SLC30A8: variants seen among roughly 807,000 people sequenced by gnomAD.
SLC30A8 encodes the protein proton-coupled zinc antiporter SLC30A8.
A neutral mutation model predicts 36.9 loss-of-function variants in SLC30A8; 27 were observed. The observed-to-expected ratio is 0.73, with a 90% CI of 0.54 to 1.01. The LOEUF is 1.01. SLC30A8 is among the 50% of genes least tolerant of loss of function. SLC30A8 has a pLI of 0.00. For synonymous variants in SLC30A8, 164 were observed against 172.4 expected, an observed-to-expected ratio of 0.95 and a Z score of 0.38; for missense variants, 439 against 452.0, an observed-to-expected ratio of 0.97 and a Z score of 0.26.
At chr8:117,129,664 A>T (rs1416749318) in intron 2 of SLC30A8, among the ~76,000 whole-genome samples, 1 of 152,014 alleles carries the variant, frequency 6.6e-6, no homozygotes, top group Non-Finnish European at 1.5e-5. Context: ...TTGTGTCCTG[A>T]TATTATTTTT....
chr8:117,073,115 T>C (rs1818380793), intron 2 of SLC30A8, among the ~76,000 whole-genome samples: 1 of 152,210 alleles, frequency 6.6e-6, no homozygotes, highest in Non-Finnish European at 1.5e-5. Flanking sequence ...ACCATTGTGA[T>C]TCTAGTTGAA....
At chr8:117,149,559 A>C (rs924286374) in intron 2 of SLC30A8, among the ~76,000 whole-genome samples, 24 of 152,344 alleles carry the variant, frequency 1.6e-4, no homozygotes, top group African/African-American at 5.5e-4. Flanking sequence ...GATGATAAAC[A>C]CAAGTGAGAT....
At chr8:117,099,608 A>G (rs976031756) in intron 2 of SLC30A8, among the ~76,000 whole-genome samples, 1 of 152,212 alleles carries the variant, frequency 6.6e-6, no homozygotes, top group African/African-American at 2.4e-5. Flanking sequence ...TCTTAAAGAA[A>G]GCTTTATGGC....
At chr8:117,033,420 T>C (rs1477353538) in intron 1 of SLC30A8, among the ~76,000 whole-genome samples, 1 of 152,212 alleles carries the variant, frequency 6.6e-6, no homozygotes, top group East Asian at 1.9e-4. Context: ...CCACAATAGG[T>C]AACTTCATAA....
intron 1 of SLC30A8, among the ~76,000 whole-genome samples, chr8:117,014,928 T>G (rs569807377): frequency 6.6e-6 from 1 of 152,062 alleles, no homozygotes; most frequent in Non-Finnish European, 1.5e-5. Flanking sequence ...GTCTCAGTAA[T>G]TGGCTTTGCG....
At chr8:117,101,598 G>A (rs1167044030) in intron 2 of SLC30A8, among the ~76,000 whole-genome samples, 2 of 152,110 alleles carry the variant, frequency 1.3e-5, no homozygotes, top group East Asian at 1.9e-4. Context: ...ATTGTACCTG[G>A]GTGTGTCTGT....
chr8:117,134,168 G>A (rs1821253338), upstream of SLC30A8, among the ~76,000 whole-genome samples: 2 of 151,784 alleles, frequency 1.3e-5, no homozygotes, highest in Admixed American at 1.3e-4. Context: ...TCAGCATAAT[G>A]GGCAACTTCC....
intron 1 of SLC30A8, among the ~76,000 whole-genome samples, chr8:116,988,153 C>G (rs1314384296): frequency 6.6e-6 from 1 of 152,184 alleles, no homozygotes; most frequent in Non-Finnish European, 1.5e-5. Context: ...CATTCTTCTT[C>G]TGATAAACTC....
intron 1 of SLC30A8, among the ~76,000 whole-genome samples, chr8:117,022,987 G>T (rs1816751811): frequency 6.6e-6 from 1 of 151,978 alleles, no homozygotes; most frequent in South Asian, 2.1e-4. Context: ...TCTGACAAAG[G>T]GCTAATATCC....
Position 117,147,173 on chromosome 8 carries a change from T to A in SLC30A8, c.271+20T>A. 1 of 1,608,578 alleles carries A rather than the reference T, an allele frequency of 6.2e-7. No individual in the cohort carries two copies. Among genetic ancestry groups the A allele is most frequent in the East Asian group, 2.2e-5 (1 of 44,802 alleles). ...TCGTGGGTGAGTCTTTCTGCAGACT[T>A]TTTTCATTAAACAACCAAACAAAAC... is the stretch of plus-strand genomic sequence containing the variant. On this transcript the variant is annotated intron_variant, in intron 2 of 7. Transcript: ENST00000456015.
At chr8:117,157,545 C>G (rs1161340196) in intron 3 of SLC30A8, 146 bp from the exon 4 acceptor site, 4 of 810,380 alleles carry the variant, frequency 4.9e-6, no homozygotes, top group East Asian at 2.5e-5. Flanking sequence ...TAAAATCCAT[C>G]CACACTTTTA....
chr8:116,968,065 C>T (rs1814660364), intron 1 of SLC30A8, among the ~76,000 whole-genome samples: 1 of 151,984 alleles, frequency 6.6e-6, no homozygotes, highest in African/African-American at 2.4e-5. Flanking sequence ...TCCTGATAAA[C>T]GTGAAGATTC....
chr8:116,959,596 C>G (rs983395356), intron 1 of SLC30A8, among the ~76,000 whole-genome samples: 1 of 152,142 alleles, frequency 6.6e-6, no homozygotes, highest in Admixed American at 6.5e-5. Context: ...GATGCAGTTA[C>G]ATTACTTAGA....
intron 2 of SLC30A8, among the ~76,000 whole-genome samples, chr8:117,102,656 C>A (rs1819778076): frequency 6.6e-6 from 1 of 152,168 alleles, no homozygotes. Flanking sequence ...TAGTTTCTGG[C>A]AATCTTTGGC....
At chr8:117,135,444 C>T (rs752809745) in intron 1 of SLC30A8, 46 bp downstream of exon 1, 17 of 1,454,868 alleles carry the variant, frequency 1.2e-5, no homozygotes, top group Non-Finnish European at 1.6e-5. Flanking sequence ...TGTTGAATAT[C>T]ATCCAATTCC....
At chr8:117,039,127 A>G (rs1014350021) in intron 1 of SLC30A8, 1 of 152,168 alleles carries the variant, frequency 6.6e-6, no homozygotes, top group African/African-American at 2.4e-5. Flanking sequence ...ACCTACTGCA[A>G]CCAGACCCCT....
At chr8:117,029,302 C>A (rs1030814851) in intron 1 of SLC30A8, among the ~76,000 whole-genome samples, 4 of 152,164 alleles carry the variant, frequency 2.6e-5, no homozygotes, top group Non-Finnish European at 5.9e-5. Context: ...TTGCAATTGT[C>A]ATAAGAAATT....
At chr8:117,153,546 C>T (rs888507047) in intron 3 of SLC30A8, among the ~76,000 whole-genome samples, 3 of 152,194 alleles carry the variant, frequency 2.0e-5, no homozygotes, top group Non-Finnish European at 4.4e-5. Context: ...CAGCATTTAG[C>T]CATTCAGCCA....
intron 2 of SLC30A8, among the ~76,000 whole-genome samples, chr8:117,067,149 A>G (rs193102605): frequency 6.6e-6 from 1 of 152,122 alleles, no homozygotes; most frequent in Non-Finnish European, 1.5e-5. Flanking sequence ...TATCACAAGA[A>G]CAGCATTAGG....
Sources: gnomAD v4.1 joint callset for allele counts (sites outside exome capture counted in the v4.1 genomes callset) on GRCh38, gnomAD v4.1.1 for gene constraint, MANE v1.5 for transcripts, NCBI Gene and HGNC (gene_info 2026-07-23, HGNC 2026-07-21) for gene names.